Variants in CCDC178 observed in about 807,000 individuals in gnomAD.
CCDC178 encodes coiled-coil domain-containing protein 178.
Under a neutral mutation model 117.4 loss-of-function variants are expected in CCDC178, and 126 were observed. That is an observed-to-expected ratio of 1.07 (90% CI 0.93 to 1.24). CCDC178 has a LOEUF of 1.24. Among genes scored for constraint, CCDC178 ranks in the 50% most tolerant of loss-of-function variants. The pLI, the probability that CCDC178 is intolerant of heterozygous loss-of-function variation, is 0.00. For synonymous variants in CCDC178, 283 were observed against 313.4 expected (o/e 0.90, Z 1.02); for missense variants, 1,030 against 986.9 (o/e 1.04, Z -0.59).
At chr18:33,283,217 G>A (rs1162180891) in intron 12 of CCDC178, among the ~76,000 whole-genome samples, 1 of 152,140 alleles carries the variant, frequency 6.6e-6, no homozygotes, top group Non-Finnish European at 1.5e-5. Context: ...GGAGTTAGGA[G>A]CTGAACACTG....
chr18:33,062,254 G>C (rs1398102980), intron 21 of CCDC178, among the ~76,000 whole-genome samples: 6 of 152,316 alleles, frequency 3.9e-5, no homozygotes, highest in Non-Finnish European at 5.9e-5. Flanking sequence ...CATTAGCTAT[G>C]TTAAGGTACT....
At chr18:33,426,453 T>C (rs2064126545) in intron 2 of CCDC178, among the ~76,000 whole-genome samples, 1 of 152,232 alleles carries the variant, frequency 6.6e-6, no homozygotes, top group South Asian at 2.1e-4. Flanking sequence ...GCATAGAAGT[T>C]ACATGCCCAT....
chr18:33,414,501 A>G (rs1433502729), intron 2 of CCDC178, among the ~76,000 whole-genome samples: 1 of 152,234 alleles, frequency 6.6e-6, no homozygotes, highest in African/African-American at 2.4e-5. Flanking sequence ...AGCCACAGGT[A>G]GAAAGCTGAA....
chr18:33,157,956 T>C (rs1463123949), intron 20 of CCDC178, among the ~76,000 whole-genome samples: 2 of 152,086 alleles, frequency 1.3e-5, no homozygotes, highest in African/African-American at 2.4e-5. Context: ...AAAACGTAGG[T>C]GTAACTTTTT....
chr18:33,049,808 C>A (rs2056712956), intron 21 of CCDC178, among the ~76,000 whole-genome samples: 3 of 152,120 alleles, frequency 2.0e-5, no homozygotes, highest in Admixed American at 1.3e-4. Flanking sequence ...TAAGGCCAGG[C>A]ACAGTGGCTC....
At chr18:33,362,589 T>C (rs1599222072) in intron 6 of CCDC178, among the ~76,000 whole-genome samples, 1 of 151,942 alleles carries the variant, frequency 6.6e-6, no homozygotes, top group East Asian at 1.9e-4. Flanking sequence ...ATGTGAAATA[T>C]ATGAGACTAA....
chr18:33,036,372 G>A (rs1196181287), intron 21 of CCDC178, among the ~76,000 whole-genome samples: 2 of 151,728 alleles, frequency 1.3e-5, no homozygotes, highest in Non-Finnish European at 2.9e-5. Context: ...CCTTGTGATA[G>A]GTACAGAGTA....
intron 21 of CCDC178, among the ~76,000 whole-genome samples, chr18:32,975,864 A>T (rs1168640680): frequency 6.6e-6 from 1 of 152,146 alleles, no homozygotes; most frequent in African/African-American, 2.4e-5. Context: ...GATCCTCTGT[A>T]AAACATCAAT....
intron 21 of CCDC178, among the ~76,000 whole-genome samples, chr18:32,981,065 G>A (rs2055144819): frequency 6.6e-6 from 1 of 152,036 alleles, no homozygotes; most frequent in Non-Finnish European, 1.5e-5. Context: ...CACACTGGCC[G>A]TATGTGGTGG....
intron 10 of CCDC178, among the ~76,000 whole-genome samples, chr18:33,327,070 T>C (rs902337406): frequency 1.3e-5 from 2 of 152,148 alleles, no homozygotes; most frequent in African/African-American, 4.8e-5. Flanking sequence ...TTTAAAGAGT[T>C]TTAAAACTTT....
At chr18:33,106,989 T>C (rs1006963778) in intron 20 of CCDC178, among the ~76,000 whole-genome samples, 1 of 151,700 alleles carries the variant, frequency 6.6e-6, no homozygotes, top group Non-Finnish European at 1.5e-5. Flanking sequence ...AGAAATTGAA[T>C]TCTGTGAACA....
intron 21 of CCDC178, among the ~76,000 whole-genome samples, chr18:32,981,158 A>T (rs1598751511): frequency 1.3e-5 from 2 of 152,206 alleles, no homozygotes; most frequent in East Asian, 3.8e-4. Context: ...ATCTTAAGCA[A>T]CATAGTTAGA....
chr18:33,359,835 G>A (rs895571942), intron 6 of CCDC178, among the ~76,000 whole-genome samples: 1 of 151,332 alleles, frequency 6.6e-6, no homozygotes, highest in Admixed American at 6.6e-5. Context: ...TGGGGGAAAT[G>A]AAACACTTCA....
rs776268841 is a variant in CCDC178, at chr18:33,356,301, TAAA to T, written c.371+20_371+22del. On this transcript the variant is annotated intron_variant, in intron 7 of 22. Coordinates refer to ENST00000383096, the MANE Select transcript of CCDC178 (RefSeq NM_001105528.4). ...TTGGACATTAAAAATAAAATAGTTT[TAAA>T]AAGCATGAAATTTTCTTACCATTCT... is the stretch of plus-strand genomic sequence containing the variant. The T allele has an allele frequency of 6.8e-7, 1 of 1,470,682 alleles. No individual in the cohort carries two copies. The highest frequency in any genetic ancestry group is 9.2e-7 in the Non-Finnish European group (1 of 1,090,498). The allele number at this position is 1,470,682 out of a possible 1,614,324, so 91.1% of individuals were successfully genotyped here. A position where few individuals can be genotyped will look rare whatever the true frequency, so the allele number is the denominator to read the frequency against.
intron 21 of CCDC178, among the ~76,000 whole-genome samples, chr18:32,994,288 A>G (rs535338343): frequency 2.0e-5 from 3 of 152,342 alleles, no homozygotes; most frequent in African/African-American, 7.2e-5. Flanking sequence ...TTTCAGAAAC[A>G]TAAGTGCATA....
intron 6 of CCDC178, among the ~76,000 whole-genome samples, chr18:33,363,305 CAA>C (rs765912800): frequency 2.0e-5 from 3 of 151,836 alleles, no homozygotes; most frequent in Non-Finnish European, 4.4e-5. Flanking sequence ...GACTAAAAAC[CAA>C]GAGACAGTTG....
chr18:33,315,842 GCAAA>G (rs1184521583), intron 11 of CCDC178, among the ~76,000 whole-genome samples: 2 of 152,290 alleles, frequency 1.3e-5, no homozygotes, highest in African/African-American at 4.8e-5. Flanking sequence ...CCCATATCTG[GCAAA>G]CAAAGGCATT....
rs116076161 is a variant in CCDC178 at position 33,275,158 on chromosome 18, C to A, written c.1177-7861G>T. On this transcript the variant is annotated intron_variant, in intron 12 of 22. Coordinates refer to ENST00000383096, the MANE Select transcript of CCDC178 (RefSeq NM_001105528.4). ...GGCAGGAACATGAAAATTAATGTAA[C>A]CTTTTTTTACCCAACAATTAGGTTG... 4.8e-3 allele frequency among the ~76,000 whole-genome samples: 737 copies of A among 151,970 alleles called. 5 individuals are homozygous for A. Among genetic ancestry groups the A allele is most frequent in the African/African-American group, 0.017 (705 of 41,470 alleles).
intron 20 of CCDC178, among the ~76,000 whole-genome samples, chr18:33,103,927 A>G (rs2057665452): frequency 6.6e-6 from 1 of 151,838 alleles, no homozygotes; most frequent in Non-Finnish European, 1.5e-5. Context: ...GAAGAAATGG[A>G]CTAGACAAAT....
Sources: allele counts gnomAD v4.1 joint callset (sites outside exome capture counted in the v4.1 genomes callset), GRCh38; gene constraint gnomAD v4.1.1; transcripts MANE v1.5; gene names NCBI Gene and HGNC (gene_info 2026-07-23, HGNC 2026-07-21).